The following ASTN2 variants were observed in gnomAD, a reference collection of about 807,000 sequenced individuals.
ASTN2 encodes the protein astrotactin-2.
In ASTN2, 54 loss-of-function variants were observed where a neutral mutation model predicts 139.8. That is an observed-to-expected ratio of 0.39 (90% CI 0.31 to 0.48). The LOEUF (loss-of-function observed/expected upper bound fraction) is 0.48. ASTN2 is among the 20% of genes least tolerant of loss of function. The pLI is 0.95. For missense variants in ASTN2, 1,565 were observed against 1,725.1 expected (o/e 0.91, Z 1.64); for synonymous variants, 756 against 719.5 (o/e 1.05, Z -0.81).
intron 10 of ASTN2, among the ~76,000 whole-genome samples, chr9:116,881,775 G>A (rs1360027108): frequency 6.6e-6 from 1 of 152,190 alleles, no homozygotes; most frequent in African/African-American, 2.4e-5. Flanking sequence ...GGAAATCATA[G>A]GCAGCAACAG....
intron 11 of ASTN2, among the ~76,000 whole-genome samples, chr9:116,838,300 G>C (rs1028818447): frequency 2.6e-5 from 4 of 151,742 alleles, no homozygotes; most frequent in African/African-American, 9.7e-5. Flanking sequence ...GTAGAGGCGG[G>C]GGTTTCTCCA....
At chr9:117,198,457 A>G (rs1430884758) in intron 3 of ASTN2, among the ~76,000 whole-genome samples, 1 of 152,064 alleles carries the variant, frequency 6.6e-6, no homozygotes, top group Non-Finnish European at 1.5e-5. Flanking sequence ...ACAAGTGCAG[A>G]ATGTGCAGGT....
At position 116,612,856 on chromosome 9, in the gene ASTN2, A is replaced by G. The variant is rs548237283; in HGVS notation, c.3355+5468T>C. On this transcript the variant is annotated intron_variant, in intron 19 of 22. Transcript: ENST00000313400. ...CACAAAAGCTAGCAGAAGGCAAGAA[A>G]TAACTAAGATGAGAGCAGAACTGAA... is the stretch of plus-strand genomic sequence containing the variant. 5.9e-5 allele frequency: 9 copies of G among 151,766 alleles called. No individual in the cohort carries two copies. The South Asian group carries it at 1.9e-3, about 32-fold the overall frequency. The allele number at this position is 151,766 out of a possible 1,614,324, so 9.4% of individuals were successfully genotyped here. A position where few individuals can be genotyped will look rare whatever the true frequency, so the allele number is the denominator to read the frequency against.
chr9:116,596,422 T>C (rs1171049546), intron 19 of ASTN2, among the ~76,000 whole-genome samples: 1 of 152,206 alleles, frequency 6.6e-6, no homozygotes, highest in African/African-American at 2.4e-5. Flanking sequence ...AGGCTAGATG[T>C]CATGTTAAGT....
intron 2 of ASTN2, among the ~76,000 whole-genome samples, chr9:117,288,943 G>A (rs963350042): frequency 6.6e-6 from 1 of 152,214 alleles, no homozygotes; most frequent in Admixed American, 6.5e-5. Flanking sequence ...CTGAGGACTT[G>A]TTGTGTCTAC....
In ASTN2 at chr9:117,283,192, C is replaced by T. The variant is rs182423886; in HGVS notation, c.630+8134G>A. ...CAAATTCCATGCTCATTCTACTTCG[C>T]TATGGTGCATCTCTAAATGTTGTGA... On this transcript the variant is annotated intron_variant, in intron 2 of 22. Transcript: ENST00000313400. Among the ~76,000 whole-genome samples, 34 of 152,272 alleles carry T rather than the reference C, an allele frequency of 2.2e-4. 1 individual carries two copies. The highest frequency in any genetic ancestry group is 2.0e-3 in the Admixed American group (31 of 15,302).
At chr9:117,077,802 T>G (rs992878163) in intron 5 of ASTN2, among the ~76,000 whole-genome samples, 1 of 152,152 alleles carries the variant, frequency 6.6e-6, no homozygotes. Context: ...AATGTCATGA[T>G]ATTCTTGAGG....
intron 20 of ASTN2, among the ~76,000 whole-genome samples, chr9:116,478,027 T>TAA (rs1405258739): frequency 2.9e-5 from 4 of 138,674 alleles, no homozygotes; most frequent in Non-Finnish European, 6.2e-5. Flanking sequence ...CAGAAACAGT[T>TAA]AAAAAAAGAA....
intron 19 of ASTN2, among the ~76,000 whole-genome samples, chr9:116,513,119 G>GT (rs1288073452): frequency 1.3e-5 from 2 of 152,204 alleles, no homozygotes; most frequent in Admixed American, 6.5e-5. Flanking sequence ...AATTTGGCAT[G>GT]TTTTTGTAGT....
intron 10 of ASTN2, among the ~76,000 whole-genome samples, chr9:116,966,419 C>G (rs911596374): frequency 2.0e-5 from 3 of 152,142 alleles, no homozygotes; most frequent in Non-Finnish European, 4.4e-5. Context: ...TCTGAGCTGA[C>G]AGTTGGTGCA....
chr9:117,102,544 CAG>C (rs1829004890), intron 4 of ASTN2, among the ~76,000 whole-genome samples: 1 of 152,060 alleles, frequency 6.6e-6, no homozygotes, highest in African/African-American at 2.4e-5. Flanking sequence ...ATTATTGAGA[CAG>C]AGTTTCACTC....
At chr9:117,250,250 T>C (rs1002379823) in intron 2 of ASTN2, among the ~76,000 whole-genome samples, 5 of 152,208 alleles carry the variant, frequency 3.3e-5, no homozygotes, top group Non-Finnish European at 7.3e-5. Flanking sequence ...TCCAATTCTT[T>C]TCAACCTCTT....
chr9:116,474,656 G>A (rs1412809705), intron 20 of ASTN2, among the ~76,000 whole-genome samples: 1 of 152,180 alleles, frequency 6.6e-6, no homozygotes, highest in Non-Finnish European at 1.5e-5. Flanking sequence ...AATGAGAGCA[G>A]GGAAAAGTTA....
At chr9:117,349,962 A>G in intron 1 of ASTN2, among the ~76,000 whole-genome samples, 1 of 152,152 alleles carries the variant, frequency 6.6e-6, no homozygotes, top group East Asian at 1.9e-4. Context: ...CACTGGGACA[A>G]AAAAAAGGAC....
At chr9:116,820,366 G>T (rs1588320457) in intron 12 of ASTN2, among the ~76,000 whole-genome samples, 1 of 152,212 alleles carries the variant, frequency 6.6e-6, no homozygotes, top group African/African-American at 2.4e-5. Flanking sequence ...CTAGGATGAG[G>T]CCTGGGCATG....
In ASTN2 at chr9:116,805,678, G is replaced by C. The variant is rs772547673; in HGVS notation, c.2350C>G (p.Arg784Gly). 3 of 1,613,780 alleles carry C rather than the reference G, an allele frequency of 1.9e-6. No homozygotes were observed. In the Admixed American group the frequency reaches 5.0e-5, roughly 27 times the overall value. The change falls in exon 13 of 23, where the codon CGG (arginine) becomes GGG (glycine). Residue 784 changes from arginine (R) to glycine (G), a missense_variant. This residue lies in a region of ASTN2 where 503 missense variants were observed against 591.7 expected (regional missense o/e 0.85). Transcript: ENST00000313400. ...FGEMLHGYNN[R>G]TQHVNQGQVF... is the part of the protein sequence containing the mutation. ...TGGCCTTGGTTCACATGCTGGGTCC[G>C]GTTGTTGTAACCATGTAGCATCTCT...
intron 19 of ASTN2, among the ~76,000 whole-genome samples, chr9:116,578,698 A>C (rs1297856701): frequency 6.7e-6 from 1 of 149,844 alleles, no homozygotes; most frequent in African/African-American, 2.4e-5. Context: ...CCCTGAAACA[A>C]CACCATTGTT....
rs533655240 is a variant in ASTN2 at position 116,848,056 on chromosome 9, G to T, written c.2040+15527C>A. Among the ~76,000 whole-genome samples, 11 of 152,268 alleles carry T rather than the reference G, an allele frequency of 7.2e-5. No individual in the cohort carries two copies. In the South Asian group the frequency reaches 2.3e-3, roughly 32 times the overall value. The stretch of plus-strand genomic sequence containing the variant: ...AGAGGCTCTAACTGTCTTCACCTGG[G>T]TTCAAGGCGCTGGGAGGAAAATGAA... On this transcript the variant is annotated intron_variant, in intron 11 of 22. Coordinates refer to ENST00000313400, the MANE Select transcript of ASTN2 (RefSeq NM_001365068.1).
chr9:117,374,098 T>G (rs1330660394), intron 1 of ASTN2, among the ~76,000 whole-genome samples: 1 of 152,128 alleles, frequency 6.6e-6, no homozygotes, highest in African/African-American at 2.4e-5. Flanking sequence ...TGGCAGATAT[T>G]TTCAGATATA....
Sources: allele counts gnomAD v4.1 joint callset (sites outside exome capture counted in the v4.1 genomes callset), GRCh38; gene constraint gnomAD v4.1.1; regional missense constraint gnomAD v4.1.1; transcripts MANE v1.5; gene names NCBI Gene and HGNC (gene_info 2026-07-23, HGNC 2026-07-21).